TGFBR3: variants seen among roughly 807,000 people sequenced by gnomAD.
TGFBR3 encodes the protein transforming growth factor beta receptor 3.
A neutral mutation model predicts 87.9 loss-of-function variants in TGFBR3; 46 were observed. The observed-to-expected ratio is 0.52, with a 90% confidence interval of 0.41 to 0.67. The LOEUF (loss-of-function observed/expected upper bound fraction) is 0.67. Among genes scored for constraint, TGFBR3 ranks in the 30% least tolerant of loss-of-function variants. The probability of loss-of-function intolerance (pLI) is 0.00; values close to 1 mark genes in which losing one functional copy is unlikely to be tolerated. For missense variants in TGFBR3, 866 were observed against 1,041.9 expected, an observed-to-expected ratio of 0.83 and a Z score of 2.32; for synonymous variants, 381 against 391.6, an observed-to-expected ratio of 0.97 and a Z score of 0.32.
chr1:91,804,513 G>A (rs284160), intron 2 of TGFBR3, among the ~76,000 whole-genome samples: 18,101 of 151,972 alleles, frequency 0.12, 1,497 homozygotes, highest in East Asian at 0.47. Context: ...GGTTCCTTCC[G>A]CAATCTGTCT....
chr1:91,738,246 T>C (rs2087299), intron 4 of TGFBR3, among the ~76,000 whole-genome samples: 70,746 of 152,158 alleles, frequency 0.46, 17,469 homozygotes, highest in Non-Finnish European at 0.54. Context: ...GAACACTGCA[T>C]GAAGCATCCA....
intron 3 of TGFBR3, among the ~76,000 whole-genome samples, chr1:91,792,833 A>C (rs189915457): frequency 2.0e-5 from 3 of 152,276 alleles, no homozygotes; most frequent in Admixed American, 1.3e-4. Flanking sequence ...CTAAAAGATA[A>C]ATCTGATCTC....
At chr1:91,902,804 G>A (rs1679760378) in intron 1 of TGFBR3, among the ~76,000 whole-genome samples, 1 of 151,942 alleles carries the variant, frequency 6.6e-6, no homozygotes, top group African/African-American at 2.4e-5. Context: ...GGATGATGGA[G>A]GTCAGGAGTA....
chr1:91,794,613 C>A (rs550899410), intron 3 of TGFBR3, among the ~76,000 whole-genome samples: 67 of 152,264 alleles, frequency 4.4e-4, no homozygotes, highest in Non-Finnish European at 7.2e-4. Context: ...ATTTCTGTAT[C>A]CTGAACATTT....
At chr1:91,820,791 A>G (rs529895150) in intron 2 of TGFBR3, among the ~76,000 whole-genome samples, 1 of 152,314 alleles carries the variant, frequency 6.6e-6, no homozygotes, top group South Asian at 2.1e-4. Context: ...ATATCTTATG[A>G]CATGTTCTTT....
In TGFBR3 at chr1:91,681,110, C is replaced by T. The variant is rs887110350; in HGVS notation, c.*2629G>A. ...ACAAAAGACTGCAGATACAAGAGTT[C>T]AGCTGAAATACAACAATACTTTTAA... On this transcript the variant is annotated 3_prime_UTR_variant, in exon 17 of 17. Transcript: ENST00000212355. The T allele has an allele frequency of 4.4e-6, 2 of 453,948 alleles. No homozygotes were observed. The highest frequency in any genetic ancestry group is 6.9e-5 in the East Asian group (1 of 14,408). 28.1% of individuals were successfully genotyped at this position (453,948 alleles called of 1,614,324 possible). A position where few individuals can be genotyped will look rare whatever the true frequency, so the allele number is the denominator to read the frequency against.
intron 3 of TGFBR3, among the ~76,000 whole-genome samples, chr1:91,778,770 T>C (rs1042767336): frequency 2.6e-5 from 4 of 152,328 alleles, no homozygotes; most frequent in Admixed American, 6.5e-5. Flanking sequence ...ACTGATGATA[T>C]ACTAGCAGAA....
chr1:91,740,275 T>G (rs1462494297), intron 4 of TGFBR3, among the ~76,000 whole-genome samples: 1 of 151,674 alleles, frequency 6.6e-6, no homozygotes, highest in Non-Finnish European at 1.5e-5. Context: ...GCAAGGCTGG[T>G]CTCAAACTCC....
intron 1 of TGFBR3, chr1:91,861,983 G>A: frequency 4.4e-6 from 1 of 228,380 alleles, no homozygotes. Flanking sequence ...AGCCTCCCAA[G>A]TAGCTGGGAT....
At chr1:91,777,970 T>C (rs1167450736) in intron 3 of TGFBR3, among the ~76,000 whole-genome samples, 1 of 152,154 alleles carries the variant, frequency 6.6e-6, no homozygotes. Context: ...TGCATTTCAA[T>C]AAATAAAAGA....
intron 5 of TGFBR3, among the ~76,000 whole-genome samples, chr1:91,731,285 C>G (rs940702488): frequency 6.6e-6 from 1 of 152,198 alleles, no homozygotes; most frequent in South Asian, 2.1e-4. Context: ...ACTTGTGCAA[C>G]CTCCCTTGTG....
At chr1:91,694,707 A>G (rs1391531169) in intron 16 of TGFBR3, among the ~76,000 whole-genome samples, 2 of 152,198 alleles carry the variant, frequency 1.3e-5, no homozygotes, top group Non-Finnish European at 2.9e-5. Context: ...TTAATGGACA[A>G]TTAATGAAAT....
At chr1:91,744,246 G>A (rs748686501) in intron 4 of TGFBR3, among the ~76,000 whole-genome samples, 6 of 151,636 alleles carry the variant, frequency 4.0e-5, no homozygotes, top group African/African-American at 7.3e-5. Context: ...CACCATGCCC[G>A]GTTAATTTTT....
At chr1:91,771,574 C>T (rs1050719891) in intron 3 of TGFBR3, among the ~76,000 whole-genome samples, 14 of 151,660 alleles carry the variant, frequency 9.2e-5, no homozygotes, top group Admixed American at 1.3e-4. Flanking sequence ...GGCGTGGTGG[C>T]GGGCACCTGT....
At chr1:91,822,556 C>T (rs1676487925) in intron 2 of TGFBR3, among the ~76,000 whole-genome samples, 1 of 152,120 alleles carries the variant, frequency 6.6e-6, no homozygotes, top group African/African-American at 2.4e-5. Flanking sequence ...TGTTCTTCAA[C>T]TCTATTAATT....
chr1:91,850,882 G>T (rs1171005776), intron 2 of TGFBR3, among the ~76,000 whole-genome samples: 1 of 152,024 alleles, frequency 6.6e-6, no homozygotes, highest in Non-Finnish European at 1.5e-5. Flanking sequence ...TATCCTCATG[G>T]GTGGAGTAGG....
At chr1:91,822,676 T>C (rs1044428647) in intron 2 of TGFBR3, among the ~76,000 whole-genome samples, 9 of 152,186 alleles carry the variant, frequency 5.9e-5, no homozygotes, top group African/African-American at 1.9e-4. Context: ...CCTGTAATCC[T>C]AGCACTTTGA....
At chr1:91,731,483 T>C (rs1027091294) in intron 5 of TGFBR3, among the ~76,000 whole-genome samples, 4 of 152,204 alleles carry the variant, frequency 2.6e-5, no homozygotes, top group African/African-American at 9.7e-5. Context: ...CTCCACTGAC[T>C]CAGGCTGCTA....
chr1:91,794,746 A>G (rs1253560739), intron 3 of TGFBR3, among the ~76,000 whole-genome samples: 1 of 152,000 alleles, frequency 6.6e-6, no homozygotes, highest in Non-Finnish European at 1.5e-5. Flanking sequence ...GCTCAGTAAC[A>G]CTCCATTGTA....
Sources: allele counts gnomAD v4.1 joint callset (sites outside exome capture counted in the v4.1 genomes callset), GRCh38; gene constraint gnomAD v4.1.1; transcripts MANE v1.5; gene names NCBI Gene and HGNC (gene_info 2026-07-23, HGNC 2026-07-21).